The following CENPP variants were observed in gnomAD, a reference collection of about 807,000 sequenced individuals.
CENPP encodes centromere protein P.
Under a neutral mutation model 35.6 loss-of-function variants are expected in CENPP, and 24 were observed. The ratio of observed to expected loss-of-function variants is 0.67; its 90% CI spans 0.49 to 0.95. CENPP has a LOEUF of 0.95. Ranked by LOEUF, CENPP falls within the 40% of genes least tolerant of loss-of-function variation. The pLI, the probability that CENPP is intolerant of heterozygous loss-of-function variation, is 0.00. For missense variants in CENPP, 332 were observed against 345.3 expected, an observed-to-expected ratio of 0.96 and a Z score of 0.31; for synonymous variants, 120 against 125.5, an observed-to-expected ratio of 0.96 and a Z score of 0.29.
intron 5 of CENPP, among the ~76,000 whole-genome samples, chr9:92,495,107 A>C (rs1431143908): frequency 1.3e-5 from 2 of 152,154 alleles, no homozygotes. Flanking sequence ...AGCTTTGTGA[A>C]GTGGGGATGG....
At chr9:92,603,619 GCT>G (rs1441887639) in intron 5 of CENPP, among the ~76,000 whole-genome samples, 4 of 151,982 alleles carry the variant, frequency 2.6e-5, no homozygotes, top group Non-Finnish European at 4.4e-5. Flanking sequence ...CCTACACTCA[GCT>G]CTGATCACCC....
chr9:92,368,054 A>G (rs1422954033), intron 4 of CENPP, among the ~76,000 whole-genome samples: 1 of 152,188 alleles, frequency 6.6e-6, no homozygotes, highest in Non-Finnish European at 1.5e-5. Context: ...TTCACTATTT[A>G]ATGGCATGTC....
chr9:92,445,426 C>T (rs1417182798), intron 5 of CENPP, among the ~76,000 whole-genome samples: 2 of 152,090 alleles, frequency 1.3e-5, no homozygotes, highest in Admixed American at 1.3e-4. Flanking sequence ...GTGGTCCCTC[C>T]ATTGGAGATG....
At chr9:92,415,272 TCTC>T (rs1265998338) in intron 5 of CENPP, 2 of 1,613,654 alleles carry the variant, frequency 1.2e-6, no homozygotes, top group Non-Finnish European at 1.7e-6. Context: ...CATCTGGAAA[TCTC>T]CTGAAAACTT....
At chr9:92,458,869 G>C (rs907762946) in intron 5 of CENPP, among the ~76,000 whole-genome samples, 7 of 152,272 alleles carry the variant, frequency 4.6e-5, no homozygotes, top group African/African-American at 1.7e-4. Context: ...TTGATGGTTT[G>C]TATCTCAAAG....
chr9:92,403,936 T>C (rs1407719181), intron 5 of CENPP, among the ~76,000 whole-genome samples: 1 of 152,218 alleles, frequency 6.6e-6, no homozygotes, highest in Non-Finnish European at 1.5e-5. Flanking sequence ...AAAGTAGTCA[T>C]TAACACCTTT....
At chr9:92,467,784 A>G (rs770447354) in intron 5 of CENPP, among the ~76,000 whole-genome samples, 1 of 152,186 alleles carries the variant, frequency 6.6e-6, no homozygotes, top group Non-Finnish European at 1.5e-5. Flanking sequence ...GAAATTCCAG[A>G]TATATCACTA....
At chr9:92,583,586 G>A (rs2131369143) in intron 5 of CENPP, among the ~76,000 whole-genome samples, 1 of 151,702 alleles carries the variant, frequency 6.6e-6, no homozygotes, top group African/African-American at 2.4e-5. Context: ...TTCATTCTTA[G>A]CATTTTTTTC....
chr9:92,379,907 G>T, intron 5 of CENPP, 48 bp downstream of exon 5: 1 of 1,136,796 alleles, frequency 8.8e-7, no homozygotes, highest in South Asian at 1.3e-5. Context: ...AAACAAAGCT[G>T]ATATTAATTG....
In CENPP at chr9:92,470,947, C is replaced by T. The variant is rs1011295423; in HGVS notation, c.564+91088C>T. ...AAAACATTGTTTTGGGGGAAGACCT[C>T]AGGACCTTTTTGAGTAACTTATTAA... On this transcript the variant is annotated intron_variant, in intron 5 of 7. Coordinates refer to ENST00000375587, the MANE Select transcript of CENPP (RefSeq NM_001012267.3). 1.2e-4 allele frequency among the ~76,000 whole-genome samples: 18 copies of T among 152,258 alleles called. 1 individual carries two copies. The highest frequency in any genetic ancestry group is 1.1e-3 in the Admixed American group (17 of 15,288).
chr9:92,414,366 A>G (rs1337049605), intron 5 of CENPP: 1 of 200,830 alleles, frequency 5.0e-6, no homozygotes, highest in Non-Finnish European at 1.0e-5. Flanking sequence ...TATTTTTACA[A>G]AAACATTTAT....
intron 5 of CENPP, among the ~76,000 whole-genome samples, chr9:92,571,884 C>CCG: frequency 6.7e-6 from 1 of 148,330 alleles, no homozygotes; most frequent in Non-Finnish European, 1.5e-5. Context: ...TCTGTTTTAT[C>CCG]AGCAACTAGG....
At chr9:92,423,465 A>C (rs1445991234) in intron 5 of CENPP, among the ~76,000 whole-genome samples, 1 of 152,156 alleles carries the variant, frequency 6.6e-6, no homozygotes, top group African/African-American at 2.4e-5. Context: ...TAAAGACATA[A>C]TTGTTTTTAT....
intron 5 of CENPP, among the ~76,000 whole-genome samples, chr9:92,410,552 A>G (rs1488272335): frequency 6.6e-6 from 1 of 152,196 alleles, no homozygotes; most frequent in Non-Finnish European, 1.5e-5. Context: ...GCAGTGTCCA[A>G]TAGTGGTTGT....
At position 92,566,299 on chromosome 9, in the gene CENPP, C is replaced by CA. The variant is rs1394987794; in HGVS notation, c.565-45003dup. 6.7e-3 allele frequency among the ~76,000 whole-genome samples: 669 copies of CA among 99,612 alleles called. 2 individuals carry two copies. Among genetic ancestry groups the CA allele is most frequent in the East Asian group, 0.014 (50 of 3,506 alleles). 65.3% of individuals were successfully genotyped at this position (99,612 alleles called of 152,430 possible). ...TGGGCGACAGAGTGAGTCTCCATCT[C>CA]AAAAAAAAAAAACAAAAACACAAAA... On this transcript the variant is annotated intron_variant, in intron 5 of 7. Coordinates refer to ENST00000375587, the MANE Select transcript of CENPP (RefSeq NM_001012267.3).
At position 92,512,190 on chromosome 9, in the gene CENPP, G is replaced by A. The variant is rs1424407994; in HGVS notation, c.565-99124G>A. The A allele has an allele frequency of 8.3e-5, 88 of 1,054,290 alleles. 1 individual carries two copies. In the East Asian group the frequency reaches 2.1e-3, roughly 25 times the overall value. 65.3% of individuals were successfully genotyped at this position (1,054,290 alleles called of 1,614,324 possible). A position where few individuals can be genotyped will look rare whatever the true frequency, so the allele number is the denominator to read the frequency against. On this transcript the variant is annotated intron_variant, in intron 5 of 7. Coordinates refer to ENST00000375587, the MANE Select transcript of CENPP (RefSeq NM_001012267.3). ...TATACATACATGTACACACATGTAT[G>A]GGCATGTGTGCATAGATATCAAGAG...
In CENPP at chr9:92,619,541, T is replaced by A; in HGVS notation, c.*6392T>A. On this transcript the variant is annotated 3_prime_UTR_variant, in exon 8 of 8. Coordinates refer to ENST00000375587, the MANE Select transcript of CENPP (RefSeq NM_001012267.3). Reference sequence around the variant, plus strand: ...ATCATGATGGAGCAGTCCTTGGCAGTCATGGCGACGCGGTACTGCTGCACC... The same window carrying A: ...ATCATGATGGAGCAGTCCTTGGCAGACATGGCGACGCGGTACTGCTGCACC... 1 of 1,590,290 alleles carries A rather than the reference T, an allele frequency of 6.3e-7. No homozygotes were observed.
At chr9:92,428,983 T>C (rs1364323345) in intron 5 of CENPP, among the ~76,000 whole-genome samples, 2 of 152,136 alleles carry the variant, frequency 1.3e-5, no homozygotes, top group African/African-American at 2.4e-5. Context: ...AATCTTGTTG[T>C]TAGCTAACTC....
intron 5 of CENPP, among the ~76,000 whole-genome samples, chr9:92,454,454 T>G (rs1046271548): frequency 6.6e-6 from 1 of 152,214 alleles, no homozygotes; most frequent in African/African-American, 2.4e-5. Flanking sequence ...TTGGGTTTTT[T>G]CAATGTCAGT....
Sources: allele counts gnomAD v4.1 joint callset (sites outside exome capture counted in the v4.1 genomes callset), GRCh38; gene constraint gnomAD v4.1.1; transcripts MANE v1.5; gene names NCBI Gene and HGNC (gene_info 2026-07-23, HGNC 2026-07-21).